The following UTRN variants were observed in gnomAD, a reference collection of about 807,000 sequenced individuals.
The protein encoded by UTRN is utrophin.
UTRN carries 283 observed loss-of-function variants against 463.9 expected under a neutral mutation model. That is an observed-to-expected ratio of 0.61 (90% CI 0.55 to 0.67). The LOEUF is 0.67. Ranked by LOEUF, UTRN falls within the 30% of genes least tolerant of loss-of-function variation. The pLI, the probability that UTRN is intolerant of heterozygous loss-of-function variation, is 0.00. For missense variants in UTRN, 3,922 were observed against 4,084.3 expected, an observed-to-expected ratio of 0.96 and a Z score of 1.08; for synonymous variants, 1,442 against 1,431.5, an observed-to-expected ratio of 1.01 and a Z score of -0.17.
At chr6:144,691,127 T>G (rs973052510) in intron 52 of UTRN, among the ~76,000 whole-genome samples, 5 of 152,224 alleles carry the variant, frequency 3.3e-5, no homozygotes, top group African/African-American at 1.2e-4. Context: ...GATTATTTAT[T>G]TATTTATGGA....
At chr6:144,717,634 C>CTTTTTTTTTTTTTTTT (rs869170852) in intron 53 of UTRN, among the ~76,000 whole-genome samples, 3 of 70,092 alleles carry the variant, frequency 4.3e-5, no homozygotes, top group Non-Finnish European at 7.1e-5. Flanking sequence ...TTTCTTTTTT[C>CTTTTTTTTTTTTTTTT]TTTTTTTTTT....
intron 27 of UTRN, among the ~76,000 whole-genome samples, chr6:144,484,543 AG>A (rs1267037883): frequency 6.9e-6 from 1 of 145,910 alleles, no homozygotes; most frequent in Non-Finnish European, 1.5e-5. Flanking sequence ...CCCAGGTTCA[AG>A]TGATTCTCCT....
chr6:144,431,148 A>C (rs955182662), intron 9 of UTRN, among the ~76,000 whole-genome samples: 2 of 152,172 alleles, frequency 1.3e-5, no homozygotes, highest in Admixed American at 6.5e-5. Context: ...TGAGTTTGTT[A>C]CAGGGTTTTA....
chr6:144,805,900 G>A (rs1778107011), intron 65 of UTRN, among the ~76,000 whole-genome samples: 1 of 152,086 alleles, frequency 6.6e-6, no homozygotes, highest in African/African-American at 2.4e-5. Context: ...GTAGGAGATG[G>A]AATTAAAAAG....
chr6:144,749,208 A>G (rs888317940), intron 55 of UTRN, among the ~76,000 whole-genome samples: 3 of 152,212 alleles, frequency 2.0e-5, no homozygotes, highest in Admixed American at 6.6e-5. Context: ...AATTTAGACA[A>G]TAAGAGATAT....
chr6:144,426,369 C>A lies in UTRN; in HGVS notation c.488C>A (p.Thr163Asn). 1 of 1,614,152 alleles carries A rather than the reference C, an allele frequency of 6.2e-7. No homozygotes were observed. The highest frequency in any genetic ancestry group is 1.6e-4 in the Middle Eastern group (1 of 6,062). ...EKILLSWVRQTTRPYSQVNVL... is the reference protein window; with the variant it reads ...EKILLSWVRQNTRPYSQVNVL... ...ATCCTGCTCAGCTGGGTGCGTCAGA[C>A]CACCAGGCCCTACAGCCAAGTCAAC... The change falls in exon 7 of 75, where the codon ACC becomes AAC. Residue 163 changes from threonine to asparagine, a missense_variant. Coordinates refer to ENST00000367545, the MANE Select transcript of UTRN (RefSeq NM_007124.3).
chr6:144,822,001 A>C (rs1362853270), intron 66 of UTRN, among the ~76,000 whole-genome samples: 1 of 152,148 alleles, frequency 6.6e-6, no homozygotes, highest in Non-Finnish European at 1.5e-5. Flanking sequence ...TTTATAAAAA[A>C]TAGAGAAAAT....
intron 47 of UTRN, 105 bp downstream of exon 47, chr6:144,548,959 T>A: frequency 8.3e-7 from 1 of 1,202,280 alleles, no homozygotes; most frequent in Non-Finnish European, 1.1e-6. Flanking sequence ...GAGAATGAGG[T>A]TTAAAAAATT....
intron 52 of UTRN, among the ~76,000 whole-genome samples, chr6:144,698,281 T>C (rs1005065689): frequency 6.6e-6 from 1 of 152,186 alleles, no homozygotes; most frequent in Non-Finnish European, 1.5e-5. Flanking sequence ...ATCAGGACCT[T>C]GTTAACCACA....
chr6:144,598,283 C>T (rs1803864761), intron 51 of UTRN, among the ~76,000 whole-genome samples: 1 of 152,166 alleles, frequency 6.6e-6, no homozygotes, highest in Non-Finnish European at 1.5e-5. Flanking sequence ...AAAGGCGGGA[C>T]AACTTGAAGT....
At chr6:144,840,708 A>T (rs763828146) in intron 72 of UTRN, 32 bp from the exon 73 acceptor site, 13 of 1,610,278 alleles carry the variant, frequency 8.1e-6, no homozygotes, top group Non-Finnish European at 1.1e-5. Flanking sequence ...TAATTTGAGA[A>T]GCTTTGTTGT....
At chr6:144,351,933 A>G (rs1778145892) in intron 2 of UTRN, among the ~76,000 whole-genome samples, 1 of 152,128 alleles carries the variant, frequency 6.6e-6, no homozygotes, top group Admixed American at 6.5e-5. Context: ...TCACACCGAC[A>G]CTGCTACTTT....
chr6:144,622,058 C>T (rs1244278195), intron 51 of UTRN, among the ~76,000 whole-genome samples: 1 of 151,586 alleles, frequency 6.6e-6, no homozygotes, highest in Non-Finnish European at 1.5e-5. Flanking sequence ...TCACATTCTT[C>T]ATGAAATTTT....
Position 144,774,362 on chromosome 6 carries a change from G to A in UTRN, c.8630G>A (p.Cys2877Tyr), listed in dbSNP as rs1385643960. ...IKIRRLQKAL[C>Y]LDLLELSTTN... is the part of the protein sequence containing the mutation. ...ATCCGAAGACTACAAAAAGCACTAT[G>A]TTGTGAGTTATTCTACCAAAGTTAA... Residue 2877 changes from cysteine (C) to tyrosine (Y), a missense_variant and splice_region_variant, in exon 60 of 75, where the codon TGT (cysteine) becomes TAT (tyrosine). By Grantham distance (194) the Cys-to-Tyr change is radical. This residue lies in a region of UTRN where 1,309 missense variants were observed against 1,452.6 expected (regional missense o/e 0.90). Coordinates refer to ENST00000367545, the MANE Select transcript of UTRN (RefSeq NM_007124.3). 1 of 1,582,504 alleles carries A rather than the reference G, an allele frequency of 6.3e-7. No homozygotes were observed. Among genetic ancestry groups the A allele is most frequent in the Non-Finnish European group, 8.5e-7 (1 of 1,171,128 alleles).
intron 57 of UTRN, 141 bp from the exon 58 acceptor site, chr6:144,757,781 TGGCCCAG>T (rs1792174233): frequency 5.0e-6 from 3 of 599,682 alleles, no homozygotes; most frequent in Admixed American, 3.7e-5. Flanking sequence ...ATTTTTTGTT[TGGCCCAG>T]TGGATCTCAT....
intron 2 of UTRN, among the ~76,000 whole-genome samples, chr6:144,306,573 A>G (rs1020145975): frequency 3.9e-5 from 6 of 152,058 alleles, no homozygotes; most frequent in Non-Finnish European, 5.9e-5. Context: ...GCAGTGCATA[A>G]GGGGATAGTA....
rs1782561166 is a variant in UTRN, at chr6:144,852,870, G to A, written c.*1873G>A. ...GAAAAGCTACGTAAAACACTACATTGTAACCTTCTAAGTAATAATAAATAA... is the reference window on the plus strand; with the variant it reads ...GAAAAGCTACGTAAAACACTACATTATAACCTTCTAAGTAATAATAAATAA... On this transcript the variant is annotated 3_prime_UTR_variant, in exon 75 of 75. Coordinates refer to ENST00000367545, the MANE Select transcript of UTRN (RefSeq NM_007124.3). 1 of 152,530 alleles carries A rather than the reference G, an allele frequency of 6.6e-6. No homozygotes were observed. The highest frequency in any genetic ancestry group is 2.4e-5 in the African/African-American group (1 of 41,408). The allele number at this position is 152,530 out of a possible 1,614,324, so 9.4% of individuals were successfully genotyped here. A position where few individuals can be genotyped will look rare whatever the true frequency, so the allele number is the denominator to read the frequency against.
intron 2 of UTRN, among the ~76,000 whole-genome samples, chr6:144,342,272 T>A (rs1019680192): frequency 1.3e-5 from 2 of 152,064 alleles, no homozygotes; most frequent in African/African-American, 4.8e-5. Context: ...GAAAGCTGTC[T>A]GGCAGTTCTT....
At chr6:144,452,095 C>T (rs1179283381) in intron 18 of UTRN, among the ~76,000 whole-genome samples, 2 of 152,120 alleles carry the variant, frequency 1.3e-5, no homozygotes, top group Non-Finnish European at 2.9e-5. Context: ...AGTCTAGTCT[C>T]CTGCCATCTT....
Sources: allele counts gnomAD v4.1 joint callset (sites outside exome capture counted in the v4.1 genomes callset), GRCh38; gene constraint gnomAD v4.1.1; regional missense constraint gnomAD v4.1.1; transcripts MANE v1.5; gene names NCBI Gene and HGNC (gene_info 2026-07-23, HGNC 2026-07-21).